HOOK3: variants seen among roughly 807,000 people sequenced by gnomAD.
HOOK3 encodes hook microtubule tethering protein 3, also known as protein Hook homolog 3.
Under a neutral mutation model 116.3 loss-of-function variants are expected in HOOK3, and 24 were observed. That is an observed-to-expected ratio of 0.21 (90% CI 0.15 to 0.29). The LOEUF (loss-of-function observed/expected upper bound fraction) is 0.29. Among genes scored for constraint, HOOK3 ranks in the 10% least tolerant of loss-of-function variants. The probability of loss-of-function intolerance (pLI) is 1.00; values close to 1 mark genes in which losing one functional copy is unlikely to be tolerated. For missense variants in HOOK3, 632 were observed against 830.2 expected (o/e 0.76, Z 2.93); for synonymous variants, 275 against 283.0 (o/e 0.97, Z 0.28).
chr8:42,905,182 A>G (rs1807278687), intron 1 of HOOK3, among the ~76,000 whole-genome samples: 1 of 152,198 alleles, frequency 6.6e-6, no homozygotes. Flanking sequence ...GCCTCCGAGT[A>G]ACAGAAACTG....
intron 1 of HOOK3, among the ~76,000 whole-genome samples, chr8:42,901,881 G>A (rs939146156): frequency 3.3e-5 from 5 of 152,024 alleles, no homozygotes; most frequent in African/African-American, 1.2e-4. Flanking sequence ...GCTAATTTTT[G>A]TATTTTTTAG....
chr8:42,930,215 G>A (rs767826163), intron 4 of HOOK3, 43 bp downstream of exon 4: 3 of 1,444,678 alleles, frequency 2.1e-6, no homozygotes, highest in East Asian at 5.0e-5. Flanking sequence ...GTTACTATCG[G>A]ATAGTTTAAT....
chr8:43,027,728 G>A lies in HOOK3; in HGVS notation c.*9230G>A, dbSNP rs1031573226. ...TGTCTTCTTGTTAACCTAGACAAGA[G>A]TAGATTATTCAGTAGCCACATGTGA... On this transcript the variant is annotated 3_prime_UTR_variant, in exon 22 of 22. Transcript: ENST00000307602. 1 of 211,252 alleles carries A rather than the reference G, an allele frequency of 4.7e-6. No individual in the cohort carries two copies. The highest frequency in any genetic ancestry group is 9.7e-6 in the Non-Finnish European group (1 of 103,616). 13.1% of individuals were successfully genotyped at this position (211,252 alleles called of 1,614,324 possible).
chr8:42,953,179 G>C (rs961483554), intron 6 of HOOK3, among the ~76,000 whole-genome samples: 48 of 150,422 alleles, frequency 3.2e-4, no homozygotes, highest in African/African-American at 1.2e-3. Flanking sequence ...CAAGAGCAGG[G>C]AAAAGAATAA....
At position 43,010,345 on chromosome 8, in the gene HOOK3, A is replaced by G; in HGVS notation, c.1779A>G (p.Lys593=). Residue 593 remains lysine (K), a synonymous_variant, in exon 19 of 22, where the codon AAA becomes AAG. Transcript: ENST00000307602. ...IEELQEALRK[K]EEEMKQMEER... is the part of the protein sequence containing the mutation. Reference sequence around the variant, plus strand: ...AATTACAAGAAGCTTTACGAAAGAAAGAGGAAGAAATGAAGCAAATGGAAG... The same window carrying G: ...AATTACAAGAAGCTTTACGAAAGAAGGAGGAAGAAATGAAGCAAATGGAAG... The G allele has an allele frequency of 6.7e-7, 1 of 1,492,194 alleles. No homozygotes were observed. The highest frequency in any genetic ancestry group is 8.9e-7 in the Non-Finnish European group (1 of 1,119,338). 92.4% of individuals were successfully genotyped at this position (1,492,194 alleles called of 1,614,324 possible). A position where few individuals can be genotyped will look rare whatever the true frequency, so the allele number is the denominator to read the frequency against.
intron 14 of HOOK3, among the ~76,000 whole-genome samples, chr8:42,985,489 G>A (rs1809032187): frequency 6.6e-6 from 1 of 152,142 alleles, no homozygotes; most frequent in African/African-American, 2.4e-5. Context: ...TTGCATGTGA[G>A]TATACGTGCA....
intron 5 of HOOK3, chr8:42,949,416 A>C (rs1808296041): frequency 6.6e-6 from 1 of 152,178 alleles, no homozygotes. Flanking sequence ...CTTAGTGAGA[A>C]GGGGGAAGTA....
Position 43,024,854 on chromosome 8 carries a change from T to C in HOOK3, c.*6356T>C. The C allele has an allele frequency of 4.8e-6, 1 of 207,598 alleles. No individual in the cohort carries two copies. 12.9% of individuals were successfully genotyped at this position (207,598 alleles called of 1,614,324 possible). On this transcript the variant is annotated 3_prime_UTR_variant, in exon 22 of 22. Transcript: ENST00000307602. The stretch of plus-strand genomic sequence containing the variant: ...CCCTCAAATTACCGAAGTATTAATA[T>C]TTAGCTTCCTTTCTAGAAAACAAGG...
At chr8:42,920,532 T>C (rs893443075) in intron 2 of HOOK3, among the ~76,000 whole-genome samples, 1 of 152,162 alleles carries the variant, frequency 6.6e-6, no homozygotes, top group Admixed American at 6.5e-5. Flanking sequence ...CCACGGGGGA[T>C]TGGGAAGGAT....
chr8:42,905,325 T>TTTG (rs746035645), intron 1 of HOOK3, among the ~76,000 whole-genome samples: 1 of 99,110 alleles, frequency 1.0e-5, no homozygotes, highest in African/African-American at 4.7e-5. Context: ...TTTCTTTTTT[T>TTTG]GGGGGGGGGG....
chr8:42,976,040 ATGTGTG>A (rs10675533), intron 13 of HOOK3, among the ~76,000 whole-genome samples: 13 of 148,732 alleles, frequency 8.7e-5, no homozygotes, highest in African/African-American at 2.7e-4. Context: ...GTATATATAT[ATGTGTG>A]TGTGTGTGTG....
chr8:42,919,899 C>T (rs1008619777), intron 2 of HOOK3, among the ~76,000 whole-genome samples: 1 of 151,616 alleles, frequency 6.6e-6, no homozygotes, highest in Non-Finnish European at 1.5e-5. Context: ...GCAGTACAGT[C>T]CAGCCTTGGC....
intron 21 of HOOK3, 56 bp from the exon 22 acceptor site, chr8:43,018,302 G>C (rs1468644606): frequency 1.3e-6 from 2 of 1,484,382 alleles, no homozygotes; most frequent in East Asian, 4.7e-5. Flanking sequence ...ATTTTCTTTT[G>C]TGAAGTATGT....
At chr8:42,960,917 A>G (rs1563301731) in intron 8 of HOOK3, among the ~76,000 whole-genome samples, 1 of 152,238 alleles carries the variant, frequency 6.6e-6, no homozygotes, top group Non-Finnish European at 1.5e-5. Flanking sequence ...TAAAGAAAAA[A>G]GACGTTTAAT....
chr8:42,979,830 A>G (rs1237184784), intron 13 of HOOK3, among the ~76,000 whole-genome samples: 1 of 152,162 alleles, frequency 6.6e-6, no homozygotes, highest in African/African-American at 2.4e-5. Context: ...GACTGAAGGA[A>G]ATTATTATAT....
At chr8:42,953,235 C>G (rs1056256999) in intron 6 of HOOK3, among the ~76,000 whole-genome samples, 11 of 142,592 alleles carry the variant, frequency 7.7e-5, no homozygotes, top group African/African-American at 2.6e-4. Context: ...TCCTGTAATT[C>G]TACTTTTAGG....
intron 16 of HOOK3, among the ~76,000 whole-genome samples, chr8:43,001,882 A>G (rs965999936): frequency 2.0e-5 from 3 of 152,152 alleles, no homozygotes; most frequent in Admixed American, 2.0e-4. Flanking sequence ...ATTCATATAT[A>G]TCCAGGTTGT....
At chr8:42,960,780 G>C (rs937345930) in intron 8 of HOOK3, among the ~76,000 whole-genome samples, 1 of 152,190 alleles carries the variant, frequency 6.6e-6, no homozygotes, top group African/African-American at 2.4e-5. Context: ...GTCTCTTCAG[G>C]AAGGCCTTCC....
chr8:42,901,256 TAAAAG>T (rs905048962), intron 1 of HOOK3, among the ~76,000 whole-genome samples: 11 of 152,184 alleles, frequency 7.2e-5, no homozygotes, highest in Admixed American at 5.9e-4. Flanking sequence ...TTCTTGGAAT[TAAAAG>T]AAAGATTATA....
Sources: gnomAD v4.1 joint callset for allele counts (sites outside exome capture counted in the v4.1 genomes callset) on GRCh38, gnomAD v4.1.1 for gene constraint, MANE v1.5 for transcripts, NCBI Gene and HGNC (gene_info 2026-07-23, HGNC 2026-07-21) for gene names.